Variants in SORCS1 observed in about 807,000 individuals in gnomAD.
SORCS1 encodes the protein VPS10 domain-containing receptor SorCS1.
SORCS1 carries 60 observed loss-of-function variants against 146.1 expected under a neutral mutation model. The observed-to-expected ratio is 0.41, with a 90% confidence interval of 0.33 to 0.51. The LOEUF (loss-of-function observed/expected upper bound fraction) is 0.51. Among genes scored for constraint, SORCS1 ranks in the 20% least tolerant of loss-of-function variants. The pLI, the probability that SORCS1 is intolerant of heterozygous loss-of-function variation, is 0.21. For missense variants in SORCS1, 1,352 were observed against 1,487.6 expected (o/e 0.91, Z 1.50); for synonymous variants, 637 against 584.0 (o/e 1.09, Z -1.31).
intron 24 of SORCS1, among the ~76,000 whole-genome samples, chr10:106,591,219 C>T (rs916155101): frequency 2.6e-5 from 4 of 152,280 alleles, no homozygotes; most frequent in South Asian, 2.1e-4. Flanking sequence ...GCCTGCCAGT[C>T]GTTCTCCCAT....
At position 107,164,667 on chromosome 10, in the gene SORCS1, C is replaced by G; in HGVS notation, c.-141G>C. ...CCGCGGTGGGGGCGGGCGGAGGCGG[C>G]GCCGGGCAGGTGGCGGCCGCTTGCC... On this transcript the variant is annotated 5_prime_UTR_variant, in exon 1 of 26. Coordinates refer to ENST00000263054, the MANE Select transcript of SORCS1 (RefSeq NM_052918.5). This position sits in a 1 kb window ranked among gnomAD's most constrained non-coding sequence, Gnocchi z 6.8. 1.5e-6 allele frequency: 1 copy of G among 652,538 alleles called. No homozygotes were observed. The highest frequency in any genetic ancestry group is 2.2e-6 in the Non-Finnish European group (1 of 458,698). The allele number at this position is 652,538 out of a possible 1,614,324, so 40.4% of individuals were successfully genotyped here. A position where few individuals can be genotyped will look rare whatever the true frequency, so the allele number is the denominator to read the frequency against.
chr10:107,152,853 T>A (rs1174557446), intron 1 of SORCS1, among the ~76,000 whole-genome samples: 1 of 152,206 alleles, frequency 6.6e-6, no homozygotes, highest in Non-Finnish European at 1.5e-5. Context: ...TCTCTTCCTC[T>A]CTTTTTATGA....
At chr10:106,867,430 A>G (rs747031296) in intron 2 of SORCS1, among the ~76,000 whole-genome samples, 9 of 151,792 alleles carry the variant, frequency 5.9e-5, no homozygotes, top group Non-Finnish European at 1.3e-4. Context: ...GATTACAGGC[A>G]CCCACCACCA....
chr10:107,106,684 A>G (rs1005260572), intron 1 of SORCS1, among the ~76,000 whole-genome samples: 3 of 152,166 alleles, frequency 2.0e-5, no homozygotes, highest in Non-Finnish European at 4.4e-5. Context: ...TCCTAGAAAT[A>G]TATGTGTACT....
At chr10:107,158,333 A>G (rs778607024) in intron 1 of SORCS1, among the ~76,000 whole-genome samples, 19 of 152,232 alleles carry the variant, frequency 1.2e-4, no homozygotes, top group Non-Finnish European at 2.6e-4. Context: ...TTCGTTAAAC[A>G]TAGTTTTTAA....
At chr10:106,804,023 A>G (rs1947041201) in intron 3 of SORCS1, among the ~76,000 whole-genome samples, 1 of 152,194 alleles carries the variant, frequency 6.6e-6, no homozygotes, top group Admixed American at 6.5e-5. Flanking sequence ...ATAGCATCTG[A>G]AAAAGAAAGG....
chr10:106,667,417 G>C, intron 17 of SORCS1: 1 of 355,708 alleles, frequency 2.8e-6, no homozygotes, highest in Non-Finnish European at 5.1e-6. Flanking sequence ...AAAACAAAGT[G>C]TCGAGAAAAT....
intron 25 of SORCS1, chr10:106,578,506 T>C (rs931935421): frequency 1.7e-4 from 42 of 248,338 alleles, no homozygotes; most frequent in Admixed American, 8.7e-4. Context: ...ACATTATGCC[T>C]CTTGTCCTCA....
At chr10:107,034,976 A>T (rs1438704881) in intron 1 of SORCS1, among the ~76,000 whole-genome samples, 1 of 152,124 alleles carries the variant, frequency 6.6e-6, no homozygotes, top group Non-Finnish European at 1.5e-5. Flanking sequence ...CAATGTAATC[A>T]TTATCCAGTT....
intron 3 of SORCS1, among the ~76,000 whole-genome samples, chr10:106,809,322 G>A (rs1947343924): frequency 6.6e-6 from 1 of 152,152 alleles, no homozygotes; most frequent in African/African-American, 2.4e-5. Context: ...GACAGAAGAT[G>A]CCAGGGTTGG....
chr10:107,168,184 C>T (rs1970093907), upstream of SORCS1, among the ~76,000 whole-genome samples: 1 of 152,144 alleles, frequency 6.6e-6, no homozygotes, highest in African/African-American at 2.4e-5. Flanking sequence ...GACCTTTGCA[C>T]ATGCTGTTCC....
At position 106,663,578 on chromosome 10, in the gene SORCS1, A is replaced by G. The variant is rs529423001; in HGVS notation, c.2303+4111T>C. ...ATTATATACTGAATCTGCTTATAAAATACCACTGAATCAACACATAGCCAA... is the reference window on the plus strand; with the variant it reads ...ATTATATACTGAATCTGCTTATAAAGTACCACTGAATCAACACATAGCCAA... On this transcript the variant is annotated intron_variant, in intron 17 of 25. Transcript: ENST00000263054. Among the ~76,000 whole-genome samples the G allele has an allele frequency of 2.0e-5, 3 of 152,366 alleles. No individual in the cohort carries two copies. The East Asian group carries it at 5.8e-4, about 29-fold the overall frequency.
upstream of SORCS1, among the ~76,000 whole-genome samples, chr10:107,164,778 G>C (rs1319884281): frequency 6.7e-6 from 1 of 148,852 alleles, no homozygotes. This position sits in a 1 kb window ranked among gnomAD's most constrained non-coding sequence, Gnocchi z 6.8. Context: ...CACTGGCGGA[G>C]CGGGCGCGGG....
intron 2 of SORCS1, among the ~76,000 whole-genome samples, chr10:106,831,634 G>C (rs1020466020): frequency 3.5e-5 from 5 of 144,730 alleles, no homozygotes. Flanking sequence ...AGTATACACA[G>C]TGGACCAAAC....
intron 18 of SORCS1, among the ~76,000 whole-genome samples, chr10:106,648,349 G>C (rs571133941): frequency 6.6e-6 from 1 of 152,026 alleles, no homozygotes; most frequent in East Asian, 1.9e-4. Flanking sequence ...TTTTGGATAC[G>C]TTGGAGTCTA....
intron 2 of SORCS1, among the ~76,000 whole-genome samples, chr10:106,942,652 TG>T (rs2138769812): frequency 6.6e-6 from 1 of 152,294 alleles, no homozygotes; most frequent in East Asian, 1.9e-4. Context: ...AGCTGATTTG[TG>T]GGAGTCCCTA....
At chr10:107,043,141 C>T (rs1339317328) in intron 1 of SORCS1, among the ~76,000 whole-genome samples, 1 of 152,010 alleles carries the variant, frequency 6.6e-6, no homozygotes, top group Non-Finnish European at 1.5e-5. Flanking sequence ...TAAGACAAAC[C>T]TTTTTAATCA....
intron 24 of SORCS1, among the ~76,000 whole-genome samples, chr10:106,593,274 AT>A (rs1249883889): frequency 2.0e-5 from 3 of 151,412 alleles, no homozygotes; most frequent in African/African-American, 2.4e-5. Context: ...CTATTCAAAT[AT>A]TTTTTTTCTT....
At chr10:106,724,086 A>G (rs1285016642) in intron 6 of SORCS1, among the ~76,000 whole-genome samples, 1 of 152,216 alleles carries the variant, frequency 6.6e-6, no homozygotes, top group Non-Finnish European at 1.5e-5. Flanking sequence ...AGATGTAATG[A>G]CTGTATTATG....
Sources: allele counts gnomAD v4.1 joint callset (sites outside exome capture counted in the v4.1 genomes callset), GRCh38; gene constraint gnomAD v4.1.1; non-coding constraint Gnocchi (gnomAD v3.1); transcripts MANE v1.5; gene names NCBI Gene and HGNC (gene_info 2026-07-23, HGNC 2026-07-21).